The following HMGA2 variants were observed in gnomAD, a reference collection of about 807,000 sequenced individuals.
HMGA2 encodes the protein high mobility group AT-hook 2.
In HMGA2, 8 loss-of-function variants were observed where a neutral mutation model predicts 19.1. The ratio of observed to expected loss-of-function variants is 0.42; its 90% CI spans 0.25 to 0.76. The LOEUF (loss-of-function observed/expected upper bound fraction) is 0.76, where lower values mean the gene tolerates loss of function less well. HMGA2 is among the 30% of genes least tolerant of loss of function. The pLI is 0.28. For missense variants in HMGA2, 109 were observed against 136.3 expected (o/e 0.80, Z 1.00); for synonymous variants, 60 against 48.8 (o/e 1.23, Z -0.96).
intron 3 of HMGA2, among the ~76,000 whole-genome samples, chr12:65,918,426 C>T (rs981010079): frequency 1.6e-4 from 24 of 151,998 alleles, no homozygotes; most frequent in Admixed American, 1.2e-3. Flanking sequence ...TTGGTGGTGG[C>T]GTTTAATTAA....
intron 4 of HMGA2, chr12:65,956,968 A>G (rs555065119): frequency 6.6e-6 from 1 of 152,352 alleles, no homozygotes; most frequent in East Asian, 1.9e-4. Flanking sequence ...TAATGGTTGC[A>G]TAGAAATATG....
intron 3 of HMGA2, chr12:65,881,905 A>C (rs1296704616): frequency 1.4e-6 from 1 of 702,116 alleles, no homozygotes; most frequent in Non-Finnish European, 2.6e-6. Context: ...GTCCCGGAGT[A>C]TGTTTCCATG....
intron 3 of HMGA2, among the ~76,000 whole-genome samples, chr12:65,861,623 T>TAAA (rs34142770): frequency 0.019 from 2,376 of 123,904 alleles, 42 homozygotes; most frequent in Middle Eastern, 0.044. Context: ...CCTAAATTGG[T>TAAA]AAAAAAAAAA....
At chr12:65,849,736 A>ATTTTTTTTT (rs34541445) in intron 3 of HMGA2, among the ~76,000 whole-genome samples, 1,558 of 85,022 alleles carry the variant, frequency 0.018, 222 homozygotes, top group African/African-American at 0.065. Flanking sequence ...TAGGCTCTGT[A>ATTTTTTTTT]TTTTTTTTTT....
At chr12:65,828,785 C>G (rs1870345736) in intron 2 of HMGA2, 1 of 152,970 alleles carries the variant, frequency 6.5e-6, no homozygotes, top group Non-Finnish European at 1.5e-5. Flanking sequence ...TTTAATATCT[C>G]TTTTTGGGCA....
chr12:65,863,040 A>G (rs1254696620), intron 3 of HMGA2, among the ~76,000 whole-genome samples: 3 of 152,170 alleles, frequency 2.0e-5, no homozygotes, highest in South Asian at 2.1e-4. Context: ...TTTCATATCT[A>G]TTAGGTCACT....
At chr12:65,893,740 G>C (rs1178986684) in intron 3 of HMGA2, among the ~76,000 whole-genome samples, 1 of 152,196 alleles carries the variant, frequency 6.6e-6, no homozygotes, top group East Asian at 1.9e-4. Flanking sequence ...AGTTTAATTG[G>C]TGTAATTTTG....
chr12:65,895,882 T>C (rs994424913), intron 3 of HMGA2, among the ~76,000 whole-genome samples: 52 of 152,258 alleles, frequency 3.4e-4, no homozygotes, highest in African/African-American at 1.3e-3. Context: ...TGCCTGATGC[T>C]TCTGTGTTAT....
intron 3 of HMGA2, among the ~76,000 whole-genome samples, chr12:65,847,661 G>A (rs1871284292): frequency 6.6e-6 from 1 of 152,148 alleles, no homozygotes; most frequent in East Asian, 1.9e-4. Context: ...TTCCCTGTGT[G>A]TAAAACAAAG....
In HMGA2 at chr12:65,958,542, C is replaced by T. The variant is rs562521643; in HGVS notation, c.283-4703C>T. 3 of 152,216 alleles carry T rather than the reference C, an allele frequency of 2.0e-5. No homozygotes were observed. In the East Asian group the frequency reaches 5.8e-4, roughly 29 times the overall value. 9.4% of individuals were successfully genotyped at this position (152,216 alleles called of 1,614,324 possible). On this transcript the variant is annotated intron_variant, in intron 4 of 4. Transcript: ENST00000403681. ...GAAAAACTCAGCCTTGTGGTCTTGCCGGTCACTTAGCTACAGATGGAACTT... is the reference window on the plus strand; with the variant it reads ...GAAAAACTCAGCCTTGTGGTCTTGCTGGTCACTTAGCTACAGATGGAACTT...
chr12:65,854,404 T>C (rs1278080509), intron 3 of HMGA2, among the ~76,000 whole-genome samples: 2 of 152,252 alleles, frequency 1.3e-5, no homozygotes, highest in Non-Finnish European at 2.9e-5. Context: ...GCTGGCATTT[T>C]GTAAAACTGT....
chr12:65,932,637 C>A (rs1003302641), intron 3 of HMGA2, among the ~76,000 whole-genome samples: 1 of 152,210 alleles, frequency 6.6e-6, no homozygotes, highest in South Asian at 2.1e-4. Context: ...ACAGATAGAG[C>A]TATTTGGTGA....
chr12:65,877,491 A>G (rs1873106107), intron 3 of HMGA2, among the ~76,000 whole-genome samples: 1 of 152,210 alleles, frequency 6.6e-6, no homozygotes, highest in Admixed American at 6.5e-5. Flanking sequence ...GACCCCGGTC[A>G]CTGGGAGAAT....
At chr12:65,904,975 G>A (rs1365056340) in intron 3 of HMGA2, among the ~76,000 whole-genome samples, 16 of 152,000 alleles carry the variant, frequency 1.1e-4, no homozygotes. Context: ...CTGAGAGGCA[G>A]AGGTTGCAGT....
At chr12:65,927,831 CTGTGTGTG>C (rs143707177) in intron 3 of HMGA2, among the ~76,000 whole-genome samples, 5 of 145,082 alleles carry the variant, frequency 3.4e-5, no homozygotes, top group Non-Finnish European at 3.0e-5. Flanking sequence ...CTCTTTGTAT[CTGTGTGTG>C]TGTGTGTGTG....
chr12:65,910,837 T>C (rs1241013370), intron 3 of HMGA2, among the ~76,000 whole-genome samples: 1 of 152,214 alleles, frequency 6.6e-6, no homozygotes, highest in Non-Finnish European at 1.5e-5. Context: ...TAAATACCCT[T>C]TGTTCCAAGC....
chr12:65,898,679 C>T (rs1874238529), intron 3 of HMGA2, among the ~76,000 whole-genome samples: 1 of 152,100 alleles, frequency 6.6e-6, no homozygotes, highest in South Asian at 2.1e-4. Context: ...CCTACTATGT[C>T]CAGCGCATGA....
chr12:65,937,745 G>C (rs1875945555), intron 3 of HMGA2, among the ~76,000 whole-genome samples: 1 of 152,186 alleles, frequency 6.6e-6, no homozygotes, highest in South Asian at 2.1e-4. Flanking sequence ...AAAGAGGGCT[G>C]TTCTTCTACC....
chr12:65,856,335 T>C (rs1459081672), intron 3 of HMGA2: 1 of 152,202 alleles, frequency 6.6e-6, no homozygotes, highest in Non-Finnish European at 1.5e-5. Flanking sequence ...GTAGAGATTA[T>C]ATAGTTAAAT....
Sources: allele counts gnomAD v4.1 joint callset (sites outside exome capture counted in the v4.1 genomes callset), GRCh38; gene constraint gnomAD v4.1.1; transcripts MANE v1.5; gene names NCBI Gene and HGNC (gene_info 2026-07-23, HGNC 2026-07-21).